Variants in BMPR2 observed in about 807,000 individuals in gnomAD.
BMPR2 encodes the protein bone morphogenetic protein receptor type 2, also known as bone morphogenetic protein receptor type-2.
A neutral mutation model predicts 100.8 loss-of-function variants in BMPR2; 29 were observed. The ratio of observed to expected loss-of-function variants is 0.29; its 90% confidence interval spans 0.21 to 0.39. The LOEUF (loss-of-function observed/expected upper bound fraction) is 0.39. BMPR2 is among the 10% of genes least tolerant of loss of function. BMPR2 has a pLI of 1.00. For synonymous variants in BMPR2, 382 were observed against 442.3 expected (o/e 0.86, Z 1.71); for missense variants, 1,011 against 1,274.5 (o/e 0.79, Z 3.15).
At chr2:202,541,928 A>G (rs1249761851) in intron 9 of BMPR2, among the ~76,000 whole-genome samples, 3 of 152,118 alleles carry the variant, frequency 2.0e-5, no homozygotes, top group African/African-American at 7.2e-5. Flanking sequence ...CCTGGCCAAC[A>G]TGGTGAAACC....
At chr2:202,417,493 G>C (rs1691158741) in intron 1 of BMPR2, among the ~76,000 whole-genome samples, 1 of 151,806 alleles carries the variant, frequency 6.6e-6, no homozygotes, top group Non-Finnish European at 1.5e-5. Flanking sequence ...AGTAGAGACA[G>C]GGTTTCTCCA....
intron 1 of BMPR2, among the ~76,000 whole-genome samples, chr2:202,448,434 G>C (rs1416376464): frequency 1.4e-5 from 2 of 147,452 alleles, no homozygotes; most frequent in Admixed American, 1.4e-4. Context: ...GCGACAGAAG[G>C]AGACTCCGTC....
chr2:202,408,055 G>C (rs940588404), intron 1 of BMPR2, among the ~76,000 whole-genome samples: 1 of 151,804 alleles, frequency 6.6e-6, no homozygotes, highest in Non-Finnish European at 1.5e-5. Flanking sequence ...GGATGGTCTC[G>C]ATCTCTTGAC....
intron 1 of BMPR2, among the ~76,000 whole-genome samples, chr2:202,415,463 C>T (rs890234804): frequency 6.6e-6 from 1 of 152,276 alleles, no homozygotes. Flanking sequence ...AAGAGCGGAA[C>T]TGCATCTCAA....
chr2:202,546,055 C>T (rs1349487891), intron 10 of BMPR2, among the ~76,000 whole-genome samples: 3 of 152,276 alleles, frequency 2.0e-5, no homozygotes, highest in Admixed American at 6.5e-5. Context: ...ATGAGATATG[C>T]ATCATATGCA....
intron 5 of BMPR2, among the ~76,000 whole-genome samples, chr2:202,518,153 T>A (rs1276218999): frequency 2.5e-5 from 3 of 120,670 alleles, no homozygotes; most frequent in Admixed American, 8.8e-5. Context: ...TTTTTTTTTT[T>A]AATTGAGACA....
intron 3 of BMPR2, among the ~76,000 whole-genome samples, chr2:202,474,378 C>T (rs571801444): frequency 1.8e-4 from 27 of 149,180 alleles, no homozygotes; most frequent in African/African-American, 3.9e-4. Context: ...ATCTCTTGAA[C>T]CTGGGAAGTG....
chr2:202,458,305 A>G (rs1692162759), intron 1 of BMPR2, among the ~76,000 whole-genome samples: 2 of 150,044 alleles, frequency 1.3e-5, no homozygotes, highest in Non-Finnish European at 3.0e-5. Context: ...AAAAAAAAAA[A>G]AAACGCACAC....
intron 1 of BMPR2, among the ~76,000 whole-genome samples, chr2:202,379,819 C>T (rs1196283299): frequency 2.0e-5 from 3 of 151,122 alleles, no homozygotes; most frequent in Non-Finnish European, 4.4e-5. Flanking sequence ...AGTTCTTGGA[C>T]TCCTTAATTC....
intron 1 of BMPR2, among the ~76,000 whole-genome samples, chr2:202,417,918 C>T (rs759677041): frequency 6.6e-6 from 1 of 151,684 alleles, no homozygotes; most frequent in Non-Finnish European, 1.5e-5. Context: ...TAGGGTTTCA[C>T]CGTGTTAGCC....
At chr2:202,475,026 T>A (rs80213986) in intron 3 of BMPR2, 2 of 152,314 alleles carry the variant, frequency 1.3e-5, no homozygotes, top group Non-Finnish European at 2.9e-5. Flanking sequence ...AATGTTTCTT[T>A]CCAGTCTTTT....
At chr2:202,497,056 C>T (rs1259275972) in intron 3 of BMPR2, among the ~76,000 whole-genome samples, 4 of 152,244 alleles carry the variant, frequency 2.6e-5, no homozygotes, top group Admixed American at 6.5e-5. Flanking sequence ...GCACCCGGGC[C>T]AGCGGCTGCG....
intron 3 of BMPR2, among the ~76,000 whole-genome samples, chr2:202,490,231 C>T (rs1475192911): frequency 2.6e-5 from 4 of 152,030 alleles, no homozygotes; most frequent in Admixed American, 2.0e-4. Flanking sequence ...TATCACGAGG[C>T]CGTGGCAGAA....
chr2:202,517,282 A>G (rs1471191337), intron 5 of BMPR2, among the ~76,000 whole-genome samples: 1 of 151,156 alleles, frequency 6.6e-6, no homozygotes, highest in South Asian at 2.1e-4. Flanking sequence ...GGTTGAACAC[A>G]TACCACAAAT....
chr2:202,437,577 A>C (rs1691639527), intron 1 of BMPR2, among the ~76,000 whole-genome samples: 1 of 150,514 alleles, frequency 6.6e-6, no homozygotes, highest in Non-Finnish European at 1.5e-5. Flanking sequence ...CATTTTTCTT[A>C]CACCACTAAG....
intron 10 of BMPR2, among the ~76,000 whole-genome samples, chr2:202,548,649 G>T (rs944478353): frequency 4.0e-5 from 6 of 151,706 alleles, no homozygotes; most frequent in African/African-American, 1.2e-4. Flanking sequence ...CCTTCCTTTG[G>T]GTAGGAAAGA....
At chr2:202,550,299 A>G (rs1246590645) in intron 10 of BMPR2, among the ~76,000 whole-genome samples, 2 of 150,626 alleles carry the variant, frequency 1.3e-5, no homozygotes, top group Admixed American at 6.6e-5. Context: ...CACGAACCCA[A>G]GAGGTGGAGC....
At chr2:202,552,281 C>T (rs573304425) in intron 10 of BMPR2, among the ~76,000 whole-genome samples, 3 of 152,174 alleles carry the variant, frequency 2.0e-5, no homozygotes, top group East Asian at 1.9e-4. Flanking sequence ...TGAGCCACTG[C>T]GCCCAACCAA....
chr2:202,421,641 CA>C (rs759171954), intron 1 of BMPR2, among the ~76,000 whole-genome samples: 1,399 of 57,578 alleles, frequency 0.024, 15 homozygotes, highest in African/African-American at 0.07. Context: ...GACTCCGTCT[CA>C]AAAAAAAAAA....
Sources: gnomAD v4.1 joint callset for allele counts (sites outside exome capture counted in the v4.1 genomes callset) on GRCh38, gnomAD v4.1.1 for gene constraint, MANE v1.5 for transcripts, NCBI Gene and HGNC (gene_info 2026-07-23, HGNC 2026-07-21) for gene names.